LITAF: variants seen among roughly 807,000 people sequenced by gnomAD.
The protein encoded by LITAF is lipopolysaccharide induced TNF factor, also known as lipopolysaccharide-induced tumor necrosis factor-alpha factor.
A neutral mutation model predicts 14.5 loss-of-function variants in LITAF; 9 were observed. The ratio of observed to expected loss-of-function variants is 0.62; its 90% CI spans 0.37 to 1.08. The LOEUF is 1.08. Ranked by LOEUF, LITAF falls within the 50% of genes least tolerant of loss-of-function variation. LITAF has a pLI of 0.01. For synonymous variants in LITAF, 98 were observed against 88.2 expected, an observed-to-expected ratio of 1.11 and a Z score of -0.62; for missense variants, 206 against 213.4, an observed-to-expected ratio of 0.97 and a Z score of 0.22.
rs142397280 is a variant in LITAF, at chr16:11,563,691, G to A, written c.-5-6956C>T. On this transcript the variant is annotated intron_variant, in intron 1 of 3. Transcript: ENST00000622633. ...AGGTGACCTGCTTCTTAGTAAACAG[G>A]CAATAGAACGTTAATGATCAGCCGA... Among the ~76,000 whole-genome samples the A allele has an allele frequency of 1.3e-3, 191 of 152,150 alleles. 1 individual carries two copies. The highest frequency in any genetic ancestry group is 4.7e-3 in the Admixed American group (71 of 15,258).
At chr16:11,622,867 C>T in intron 3 of LITAF, among the ~76,000 whole-genome samples, 1 of 151,892 alleles carries the variant, frequency 6.6e-6, no homozygotes, top group Non-Finnish European at 1.5e-5. Flanking sequence ...TCATGGGCCT[C>T]TGTGAAACAG....
chr16:11,597,227 C>G (rs541163039), intron 1 of LITAF, among the ~76,000 whole-genome samples: 1 of 152,094 alleles, frequency 6.6e-6, no homozygotes, highest in Non-Finnish European at 1.5e-5. Flanking sequence ...AAACAAGTAC[C>G]CTGTGACTTT....
chr16:11,585,230 C>CA (rs35542925), intron 1 of LITAF, among the ~76,000 whole-genome samples: 1,307 of 90,546 alleles, frequency 0.014, 12 homozygotes, highest in African/African-American at 0.027. Flanking sequence ...GACTCTGTCT[C>CA]AAAAAAAAAA....
At chr16:11,622,119 G>A (rs909522156) in intron 3 of LITAF, among the ~76,000 whole-genome samples, 2 of 152,190 alleles carry the variant, frequency 1.3e-5, no homozygotes, top group Non-Finnish European at 2.9e-5. Context: ...GTGGGGATGT[G>A]GTTAGAGAGT....
At chr16:11,628,154 C>G (rs755396443) in intron 3 of LITAF, among the ~76,000 whole-genome samples, 1 of 151,984 alleles carries the variant, frequency 6.6e-6, no homozygotes, top group Non-Finnish European at 1.5e-5. Flanking sequence ...GGTAATGAAT[C>G]AATACCCAAA....
chr16:11,605,699 G>C lies in LITAF; in HGVS notation c.85+27834C>G, dbSNP rs751499505. 6.6e-6 allele frequency among the ~76,000 whole-genome samples: 1 copy of C among 152,174 alleles called. No individual in the cohort carries two copies. Among genetic ancestry groups the C allele is most frequent in the Non-Finnish European group, 1.5e-5 (1 of 68,026 alleles). The stretch of plus-strand genomic sequence containing the variant: ...GAGGATCGCTGGAGGCCAGGAGTTC[G>C]AAGCTGCAGTGAGCTATGATTGCAC... On this transcript the variant is annotated intron_variant, in intron 3 of 3. Coordinates refer to the LITAF transcript ENST00000574848. This position sits in a 1 kb window ranked among gnomAD's most constrained non-coding sequence, Gnocchi z 4.7.
chr16:11,548,555 A>G lies in LITAF; in HGVS notation c.*1082T>C, dbSNP rs1422840689. The G allele has an allele frequency of 1.1e-5, 5 of 453,638 alleles. No homozygotes were observed. In the Admixed American group the frequency reaches 1.2e-4, roughly 11 times the overall value. 28.1% of individuals were successfully genotyped at this position (453,638 alleles called of 1,614,324 possible). ...TTTAAGAATCACATTAACCCCAAGT[A>G]AAGGCAGTAGATGAAATTATCCATT... On this transcript the variant is annotated 3_prime_UTR_variant, in exon 4 of 4. Coordinates refer to ENST00000622633, the MANE Select transcript of LITAF (RefSeq NM_001136472.2).
At chr16:11,630,499 A>G (rs872712) in intron 3 of LITAF, among the ~76,000 whole-genome samples, 85,002 of 151,162 alleles carry the variant, frequency 0.56, 26,353 homozygotes, top group African/African-American at 0.84. Flanking sequence ...CCAGGCACAC[A>G]GGAGTCCCTG....
At chr16:11,594,535 A>G (rs2064869856) in intron 1 of LITAF, among the ~76,000 whole-genome samples, 1 of 152,172 alleles carries the variant, frequency 6.6e-6, no homozygotes, top group Non-Finnish European at 1.5e-5. Context: ...TGTTAAAAAG[A>G]AAAAGAAATA....
chr16:11,575,382 G>C (rs370395463), intron 1 of LITAF: 1 of 152,232 alleles, frequency 6.6e-6, no homozygotes, highest in African/African-American at 2.4e-5. Flanking sequence ...GTACAGCGGG[G>C]ACAGACACCC....
chr16:11,557,077 TG>T (rs1332141560), intron 1 of LITAF, among the ~76,000 whole-genome samples: 1 of 151,948 alleles, frequency 6.6e-6, no homozygotes, highest in African/African-American at 2.4e-5. Context: ...TTTTTTTGTT[TG>T]TTTTTTTGTG....
intron 2 of LITAF, among the ~76,000 whole-genome samples, chr16:11,633,852 C>T (rs1417868504): frequency 6.6e-6 from 1 of 152,204 alleles, no homozygotes; most frequent in Non-Finnish European, 1.5e-5. Context: ...AGAACCCTCT[C>T]TTGGAGTCTG....
intron 1 of LITAF, among the ~76,000 whole-genome samples, chr16:11,570,327 C>T (rs1184727527): frequency 6.6e-6 from 1 of 152,098 alleles, no homozygotes; most frequent in East Asian, 1.9e-4. Context: ...GAGAGTAAAA[C>T]CCAGGGAGGG....
chr16:11,602,934 G>A (rs2064936387), upstream of LITAF, among the ~76,000 whole-genome samples: 1 of 151,820 alleles, frequency 6.6e-6, no homozygotes, highest in Non-Finnish European at 1.5e-5. Flanking sequence ...AACCCAGCGA[G>A]ACCCCATCTC....
chr16:11,568,821 A>G (rs1009335013), intron 1 of LITAF, among the ~76,000 whole-genome samples: 1 of 152,022 alleles, frequency 6.6e-6, no homozygotes, highest in Non-Finnish European at 1.5e-5. Context: ...CTGGGACTAC[A>G]GGCATGCGCC....
At chr16:11,609,593 G>A (rs1286136553) in intron 3 of LITAF, among the ~76,000 whole-genome samples, 1 of 152,196 alleles carries the variant, frequency 6.6e-6, no homozygotes, top group East Asian at 1.9e-4. Context: ...AAGAAAAAGG[G>A]ATAAAGGGAG....
chr16:11,557,739 C>T (rs148538562), intron 1 of LITAF, among the ~76,000 whole-genome samples: 3 of 152,360 alleles, frequency 2.0e-5, no homozygotes, highest in Non-Finnish European at 4.4e-5. Flanking sequence ...GCATGAGCCA[C>T]CGCGCCCAGC....
chr16:11,559,010 G>A (rs1388921878), intron 1 of LITAF, among the ~76,000 whole-genome samples: 3 of 152,166 alleles, frequency 2.0e-5, no homozygotes, highest in Non-Finnish European at 2.9e-5. Flanking sequence ...CACTTTGGGA[G>A]GTCGAGGCAG....
At chr16:11,611,529 G>C (rs917642442) in intron 3 of LITAF, among the ~76,000 whole-genome samples, 6 of 152,228 alleles carry the variant, frequency 3.9e-5, no homozygotes, top group Non-Finnish European at 8.8e-5. Flanking sequence ...CTTTCCCCTA[G>C]AGGACATCCC....
Sources: allele counts gnomAD v4.1 joint callset (sites outside exome capture counted in the v4.1 genomes callset), GRCh38; gene constraint gnomAD v4.1.1; non-coding constraint Gnocchi (gnomAD v3.1); transcripts MANE v1.5; gene names NCBI Gene and HGNC (gene_info 2026-07-23, HGNC 2026-07-21).